The following GRIP1 variants were observed in gnomAD, a reference collection of about 807,000 sequenced individuals.
The protein encoded by GRIP1 is glutamate receptor-interacting protein 1.
In GRIP1, 45 loss-of-function variants were observed where a neutral mutation model predicts 129.9. The ratio of observed to expected loss-of-function variants is 0.35; its 90% CI spans 0.27 to 0.44. The LOEUF is 0.44. Among genes scored for constraint, GRIP1 ranks in the 20% least tolerant of loss-of-function variants. GRIP1 has a pLI of 1.00. For missense variants in GRIP1, 1,196 were observed against 1,396.8 expected, an observed-to-expected ratio of 0.86 and a Z score of 2.29; for synonymous variants, 530 against 520.8, an observed-to-expected ratio of 1.02 and a Z score of -0.24.
At chr12:66,385,572 G>T (rs2056320860) in intron 19 of GRIP1, among the ~76,000 whole-genome samples, 1 of 151,698 alleles carries the variant, frequency 6.6e-6, no homozygotes, top group Non-Finnish European at 1.5e-5. Flanking sequence ...TAAAATGTAT[G>T]GTCCTAAGTC....
intron 1 of GRIP1, among the ~76,000 whole-genome samples, chr12:67,001,798 A>C (rs891916764): frequency 3.3e-5 from 5 of 152,096 alleles, no homozygotes; most frequent in African/African-American, 1.2e-4. Flanking sequence ...ACTCTCTCAT[A>C]GACACCCTTG....
chr12:66,350,990 A>G (rs1391674182), intron 24 of GRIP1, among the ~76,000 whole-genome samples: 3 of 152,212 alleles, frequency 2.0e-5, no homozygotes, highest in Admixed American at 6.5e-5. Flanking sequence ...AGCTAGCTCT[A>G]TTTATGGATT....
At chr12:66,880,190 G>C (rs1029481077) in intron 1 of GRIP1, among the ~76,000 whole-genome samples, 1 of 151,296 alleles carries the variant, frequency 6.6e-6, no homozygotes, top group Non-Finnish European at 1.5e-5. Context: ...AGGAGCAAAG[G>C]ACCGATGTGT....
rs193008376 is a variant in GRIP1 at position 66,440,489 on chromosome 12, C to T, written c.1687+4095G>A. ...ACTACTCTTCCAAGCCTCTGGTAAC[C>T]ATCTTTCTACTCTCTGTCTCCAGGA... On this transcript the variant is annotated intron_variant, in intron 13 of 24. Coordinates refer to ENST00000359742, the MANE Select transcript of GRIP1 (RefSeq NM_001366722.1). Among the ~76,000 whole-genome samples the T allele has an allele frequency of 7.2e-5, 11 of 152,278 alleles. 1 individual carries two copies. In the East Asian group the frequency reaches 2.1e-3, roughly 29 times the overall value.
At chr12:66,837,974 A>G (rs12298007) in intron 1 of GRIP1, among the ~76,000 whole-genome samples, 24,586 of 152,124 alleles carry the variant, frequency 0.16, 2,142 homozygotes, top group East Asian at 0.37. Flanking sequence ...TGGGCGGATC[A>G]CCTGAGGTCA....
chr12:66,407,123 T>G (rs995536393), intron 15 of GRIP1, among the ~76,000 whole-genome samples: 3 of 152,228 alleles, frequency 2.0e-5, no homozygotes, highest in Non-Finnish European at 2.9e-5. Flanking sequence ...CAGCCTTTTA[T>G]GCATTATATC....
intron 1 of GRIP1, among the ~76,000 whole-genome samples, chr12:66,765,939 T>C (rs7973667): frequency 0.081 from 12,389 of 152,216 alleles, 643 homozygotes; most frequent in Admixed American, 0.16. Context: ...AGTTAAATAG[T>C]GTGTGGGCAC....
chr12:66,480,096 G>A (rs1277171216), intron 7 of GRIP1, among the ~76,000 whole-genome samples: 1 of 152,058 alleles, frequency 6.6e-6, no homozygotes, highest in Non-Finnish European at 1.5e-5. Context: ...AAGAAATAAC[G>A]GGTATTCAAG....
At chr12:66,896,535 A>T (rs1254954173) in intron 1 of GRIP1, among the ~76,000 whole-genome samples, 2 of 149,750 alleles carry the variant, frequency 1.3e-5, no homozygotes, top group Non-Finnish European at 3.0e-5. Flanking sequence ...TGTAGAAAAG[A>T]GGGTTTTTGT....
chr12:67,016,437 A>G (rs548457087), intron 1 of GRIP1, among the ~76,000 whole-genome samples: 4 of 152,314 alleles, frequency 2.6e-5, no homozygotes, highest in Non-Finnish European at 5.9e-5. Flanking sequence ...TTTCATATGT[A>G]TTCAATTTGA....
chr12:66,461,785 C>T (rs1190552931), intron 9 of GRIP1, among the ~76,000 whole-genome samples: 1 of 152,154 alleles, frequency 6.6e-6, no homozygotes, highest in African/African-American at 2.4e-5. Flanking sequence ...AGGTGGGAGA[C>T]ACAATACAAA....
At chr12:66,771,017 C>A (rs1784722519) in intron 1 of GRIP1, among the ~76,000 whole-genome samples, 1 of 152,078 alleles carries the variant, frequency 6.6e-6, no homozygotes, top group Non-Finnish European at 1.5e-5. Context: ...CGCTTGAACC[C>A]AGGAGGCGGA....
chr12:66,925,924 G>A (rs748477161), intron 1 of GRIP1, among the ~76,000 whole-genome samples: 2 of 152,160 alleles, frequency 1.3e-5, no homozygotes, highest in African/African-American at 2.4e-5. Context: ...GATTATAGGC[G>A]TGAGCCACTG....
At chr12:66,965,071 G>T (rs186281186) in intron 1 of GRIP1, among the ~76,000 whole-genome samples, 4 of 151,994 alleles carry the variant, frequency 2.6e-5, no homozygotes, top group Non-Finnish European at 4.4e-5. Context: ...GGTACTGGGG[G>T]TTAGTTTAAC....
At chr12:66,470,623 G>A (rs2059412384) in intron 7 of GRIP1, among the ~76,000 whole-genome samples, 1 of 152,088 alleles carries the variant, frequency 6.6e-6, no homozygotes, top group African/African-American at 2.4e-5. Context: ...CATCTGCAGG[G>A]GACTCTGGGC....
chr12:66,396,926 C>G (rs963162939), intron 16 of GRIP1, among the ~76,000 whole-genome samples: 1 of 151,314 alleles, frequency 6.6e-6, no homozygotes, highest in African/African-American at 2.4e-5. Flanking sequence ...GCCTGGCCAA[C>G]GTGATGAATC....
chr12:66,898,017 GTAGT>G (rs1262189901), intron 1 of GRIP1, among the ~76,000 whole-genome samples: 1 of 152,186 alleles, frequency 6.6e-6, no homozygotes, highest in African/African-American at 2.4e-5. Flanking sequence ...CAACAGTACA[GTAGT>G]TAAAGGGGAA....
chr12:66,834,639 G>A (rs1206813508), intron 1 of GRIP1, among the ~76,000 whole-genome samples: 1 of 152,130 alleles, frequency 6.6e-6, no homozygotes, highest in Non-Finnish European at 1.5e-5. Context: ...AGTGCCTGAG[G>A]TTTGCCAATG....
At chr12:67,065,653 T>C (rs2043612403) in intron 1 of GRIP1, among the ~76,000 whole-genome samples, 1 of 152,240 alleles carries the variant, frequency 6.6e-6, no homozygotes, top group Admixed American at 6.5e-5. Context: ...CCAAGCATTA[T>C]GGTTGATTTT....
Sources: gnomAD v4.1 joint callset for allele counts (sites outside exome capture counted in the v4.1 genomes callset) on GRCh38, gnomAD v4.1.1 for gene constraint, MANE v1.5 for transcripts, NCBI Gene and HGNC (gene_info 2026-07-23, HGNC 2026-07-21) for gene names.